GPRIN3: variants seen among roughly 807,000 people sequenced by gnomAD.
The protein encoded by GPRIN3 is G protein-regulated inducer of neurite outgrowth 3.
Under a neutral mutation model 13.7 loss-of-function variants are expected in GPRIN3, and 12 were observed. That is an observed-to-expected ratio of 0.87 (90% confidence interval 0.56 to 1.42). The LOEUF (loss-of-function observed/expected upper bound fraction) is 1.42. GPRIN3 is among the 40% of genes most tolerant of loss of function. GPRIN3 has a pLI of 0.00. For synonymous variants in GPRIN3, 377 were observed against 372.7 expected (o/e 1.01, Z -0.13); for missense variants, 1,009 against 958.7 (o/e 1.05, Z -0.69).
intron 1 of GPRIN3, among the ~76,000 whole-genome samples, chr4:89,302,493 A>C (rs1260346420): frequency 6.6e-6 from 1 of 152,148 alleles, no homozygotes; most frequent in Non-Finnish European, 1.5e-5. Context: ...TCAGATTCAG[A>C]TTAGGGTCAT....
At chr4:89,260,113 G>C (rs1371249574) in intron 1 of GPRIN3, among the ~76,000 whole-genome samples, 4 of 152,154 alleles carry the variant, frequency 2.6e-5, no homozygotes, top group Non-Finnish European at 5.9e-5. Context: ...GGCCCTACTT[G>C]GGTCTTTAAT....
intron 1 of GPRIN3, among the ~76,000 whole-genome samples, chr4:89,298,125 T>A (rs139011433): frequency 6.9e-4 from 105 of 152,310 alleles, no homozygotes; most frequent in African/African-American, 2.4e-3. Flanking sequence ...GGTTCTGGTA[T>A]CCTCATGAGA....
chr4:89,248,540 G>A lies in GPRIN3; in HGVS notation c.1571C>T (p.Ser524Phe), dbSNP rs1723187050. The A allele has an allele frequency of 1.2e-6, 2 of 1,613,414 alleles. No individual in the cohort carries two copies. Among genetic ancestry groups the A allele is most frequent in the South Asian group, 2.2e-5 (2 of 91,052 alleles). Residue 524 changes from serine (S) to phenylalanine (F), a missense_variant, in exon 2 of 2, where the codon TCT (serine) becomes TTT (phenylalanine). Transcript: ENST00000609438. ...TTTATTAGTGGGATCCAAGCTCCCA[G>A]AATGATCAGCTTTGCTGATAGAGCC... ...SCGSISKADHSGSLDPTNKGD... is the reference protein window; with the variant it reads ...SCGSISKADHFGSLDPTNKGD...
intron 1 of GPRIN3, among the ~76,000 whole-genome samples, chr4:89,289,377 G>A (rs189289105): frequency 6.6e-6 from 1 of 151,868 alleles, no homozygotes; most frequent in Non-Finnish European, 1.5e-5. Flanking sequence ...TGTTCTCCAA[G>A]TCAAAACCTG....
At position 89,239,086 on chromosome 4, in the gene GPRIN3, T is replaced by C. The variant is rs984126636; in HGVS notation, c.*8694A>G. On this transcript the variant is annotated 3_prime_UTR_variant, in exon 2 of 2. Transcript: ENST00000609438. ...TAGGAAATGAAGTTTTATTGGTCAA[T>C]ATCTGGAGGATGAGAACTTTCTGAA... 4 of 152,198 alleles carry C rather than the reference T, an allele frequency of 2.6e-5. No homozygotes were observed. The highest frequency in any genetic ancestry group is 2.9e-5 in the Non-Finnish European group (2 of 68,016). 9.4% of individuals were successfully genotyped at this position (152,198 alleles called of 1,614,324 possible).
At chr4:89,267,712 C>A (rs1000751703) in intron 1 of GPRIN3, among the ~76,000 whole-genome samples, 1 of 152,194 alleles carries the variant, frequency 6.6e-6, no homozygotes, top group Non-Finnish European at 1.5e-5. Flanking sequence ...ATTATCTCTT[C>A]TTTTGTTATT....
intron 1 of GPRIN3, among the ~76,000 whole-genome samples, chr4:89,264,010 T>C (rs868592662): frequency 1.1e-4 from 16 of 152,324 alleles, no homozygotes; most frequent in African/African-American, 3.4e-4. Flanking sequence ...ACAGTAGCAA[T>C]TGTTCCATTT....
chr4:89,255,837 T>C (rs796761748), intron 1 of GPRIN3, among the ~76,000 whole-genome samples: 43 of 152,336 alleles, frequency 2.8e-4, no homozygotes, highest in African/African-American at 1.0e-3. Context: ...TAAAAGACTC[T>C]CTGTAACATT....
At chr4:89,279,559 A>T (rs1250141547) in intron 1 of GPRIN3, among the ~76,000 whole-genome samples, 3 of 152,188 alleles carry the variant, frequency 2.0e-5, no homozygotes, top group African/African-American at 7.2e-5. Flanking sequence ...ATCTACTATC[A>T]TGTTGTTTCT....
intron 1 of GPRIN3, among the ~76,000 whole-genome samples, chr4:89,265,975 A>G (rs1273201892): frequency 1.3e-5 from 2 of 152,206 alleles, no homozygotes; most frequent in Non-Finnish European, 2.9e-5. Context: ...GTAGTACCAT[A>G]CTCAGGTAAA....
rs368276596 is a variant in GPRIN3 at position 89,249,786 on chromosome 4, C to T, written c.325G>A (p.Ala109Thr). 38 of 1,614,130 alleles carry T rather than the reference C, an allele frequency of 2.4e-5. No homozygotes were observed. Among genetic ancestry groups the T allele is most frequent in the Admixed American group, 1.3e-4 (8 of 60,032 alleles). Residue 109 changes from alanine to threonine, a missense_variant, in exon 2 of 2, where the codon GCA becomes ACA. Physicochemically the swap from Ala to Thr is moderately conservative, Grantham distance 58 (BLOSUM62 0). Coordinates refer to ENST00000609438, the MANE Select transcript of GPRIN3 (RefSeq NM_198281.3). Reference sequence around the variant, plus strand: ...GCTGCAGAACTCGGGGCTGATGCTGCGGGCTGGCTGCTCCCTGGCAGCTGG... The same window carrying T: ...GCTGCAGAACTCGGGGCTGATGCTGTGGGCTGGCTGCTCCCTGGCAGCTGG... ...NPQLPGSSQP[A>T]ASAPSSAAGR... is the part of the protein sequence containing the mutation.
At chr4:89,305,116 G>A (rs1725000102) in intron 1 of GPRIN3, among the ~76,000 whole-genome samples, 1 of 152,136 alleles carries the variant, frequency 6.6e-6, no homozygotes, top group South Asian at 2.1e-4. Context: ...TCAGTTTGTA[G>A]GTGGATCCTG....
rs778770230 is a variant in GPRIN3 at position 89,248,567 on chromosome 4, C to T, written c.1544G>A (p.Cys515Tyr). 7 of 1,613,152 alleles carry T rather than the reference C, an allele frequency of 4.3e-6. 1 individual carries two copies. In the South Asian group the frequency reaches 5.5e-5, roughly 13 times the overall value. Reference protein sequence around the residue: ...TDPDCKLSDSCGSISKADHSG... With the variant: ...TDPDCKLSDSYGSISKADHSG... ...ATGATCAGCTTTGCTGATAGAGCCACAAGAGTCAGATAGTTTGCAATCTGG... is the reference window on the plus strand; with the variant it reads ...ATGATCAGCTTTGCTGATAGAGCCATAAGAGTCAGATAGTTTGCAATCTGG... The change falls in exon 2 of 2, where the codon TGT (cysteine) becomes TAT (tyrosine). Residue 515 changes from cysteine (C) to tyrosine (Y), a missense_variant. By Grantham distance (194) the Cys-to-Tyr change is radical. Coordinates refer to ENST00000609438, the MANE Select transcript of GPRIN3 (RefSeq NM_198281.3).
At chr4:89,303,810 A>G (rs1308155248) in intron 1 of GPRIN3, among the ~76,000 whole-genome samples, 1 of 149,874 alleles carries the variant, frequency 6.7e-6, no homozygotes, top group Non-Finnish European at 1.5e-5. Flanking sequence ...TATATAAAAA[A>G]TATATAAAAT....
rs1723204245 is a variant in GPRIN3 at position 89,248,840 on chromosome 4, T to G, written c.1271A>C (p.Asn424Thr). Residue 424 changes from asparagine (N) to threonine (T), a missense_variant, in exon 2 of 2, where the codon AAT becomes ACT. Transcript: ENST00000609438. ...ATGCTGGGCATTACTGGAGACCAAA[T>G]TGATTGATGAGGTTTTAAGGACCCC... ...PGGVLKTSSI[N>T]LVSSNAQHTC... 3 of 1,614,142 alleles carry G rather than the reference T, an allele frequency of 1.9e-6. No homozygotes were observed. Among genetic ancestry groups the G allele is most frequent in the Non-Finnish European group, 2.5e-6 (3 of 1,180,016 alleles).
In GPRIN3 at chr4:89,236,851, T is replaced by C. The variant is rs1009023628; in HGVS notation, c.*10929A>G. ...CATGTATACATTATACCTCCTAAGG[T>C]TGAGACATAGATGGAAGTGCCCAGC... is the stretch of plus-strand genomic sequence containing the variant. On this transcript the variant is annotated 3_prime_UTR_variant, in exon 2 of 2. Coordinates refer to ENST00000609438, the MANE Select transcript of GPRIN3 (RefSeq NM_198281.3). 6.6e-6 allele frequency: 1 copy of C among 152,140 alleles called. No homozygotes were observed. Among genetic ancestry groups the C allele is most frequent in the African/African-American group, 2.4e-5 (1 of 41,420 alleles). The allele number at this position is 152,140 out of a possible 1,614,324, so 9.4% of individuals were successfully genotyped here.
At position 89,248,950 on chromosome 4, in the gene GPRIN3, GCCA is replaced by G. The variant is rs1358270559; in HGVS notation, c.1158_1160del (p.Gly387del). 13 of 1,614,032 alleles carry G rather than the reference GCCA, an allele frequency of 8.1e-6. No homozygotes were observed. Among genetic ancestry groups the G allele is most frequent in the Non-Finnish European group, 1.1e-5 (13 of 1,180,018 alleles). ...CCTGAATGTGCACCTGTGGCATGATGCCAGGGCACTGGCTGGACTCCTGGGGGG... is the reference window on the plus strand; with the variant it reads ...CCTGAATGTGCACCTGTGGCATGATGGGGCACTGGCTGGACTCCTGGGGGG... On this transcript the variant is annotated inframe_deletion, in exon 2 of 2. Transcript: ENST00000609438.
At chr4:89,278,244 C>A (rs914359831) in intron 1 of GPRIN3, among the ~76,000 whole-genome samples, 2 of 152,176 alleles carry the variant, frequency 1.3e-5, no homozygotes, top group Non-Finnish European at 1.5e-5. Flanking sequence ...TTTCTATGAA[C>A]AGCTAATGAG....
intron 1 of GPRIN3, among the ~76,000 whole-genome samples, chr4:89,279,363 A>C (rs139813961): frequency 1.9e-4 from 29 of 152,238 alleles, no homozygotes; most frequent in African/African-American, 6.5e-4. Context: ...TAACTGCTCT[A>C]TAGAGCCCAT....
Sources: allele counts gnomAD v4.1 joint callset (sites outside exome capture counted in the v4.1 genomes callset), GRCh38; gene constraint gnomAD v4.1.1; transcripts MANE v1.5; gene names NCBI Gene and HGNC (gene_info 2026-07-23, HGNC 2026-07-21).